RBFOX3: variants seen among roughly 807,000 people sequenced by gnomAD.
RBFOX3 encodes RNA binding protein fox-1 homolog 3.
RBFOX3 carries 17 observed loss-of-function variants against 48.7 expected under a neutral mutation model. That is an observed-to-expected ratio of 0.35 (90% CI 0.24 to 0.52). The LOEUF is 0.52. Among genes scored for constraint, RBFOX3 ranks in the 20% least tolerant of loss-of-function variants. The pLI, the probability that RBFOX3 is intolerant of heterozygous loss-of-function variation, is 0.94. For missense variants in RBFOX3, 382 were observed against 497.5 expected, an observed-to-expected ratio of 0.77 and a Z score of 2.21; for synonymous variants, 212 against 209.5, an observed-to-expected ratio of 1.01 and a Z score of -0.10.
At chr17:79,595,296 C>T (rs9330569) in intron 1 of RBFOX3, among the ~76,000 whole-genome samples, 20,901 of 152,168 alleles carry the variant, frequency 0.14, 1,961 homozygotes, top group Non-Finnish European at 0.21. Context: ...CCCAGGAACT[C>T]GATCCTCCCA....
At chr17:79,450,912 GA>G (rs1234776233) in intron 2 of RBFOX3, among the ~76,000 whole-genome samples, 1 of 152,188 alleles carries the variant, frequency 6.6e-6, no homozygotes, top group Non-Finnish European at 1.5e-5. Flanking sequence ...ACAAATTCAA[GA>G]AGTAAAACCT....
At chr17:79,136,278 C>T (rs1032742752) in intron 4 of RBFOX3, 1 of 152,480 alleles carries the variant, frequency 6.6e-6, no homozygotes, top group Non-Finnish European at 1.5e-5. Flanking sequence ...CCACCCCTTC[C>T]CTATGACCCC....
At position 79,554,444 on chromosome 17, in the gene RBFOX3, CTT is replaced by C. The variant is rs2091440869; in HGVS notation, c.-320+56380_-320+56381del. Among the ~76,000 whole-genome samples, 1,087 of 114,348 alleles carry C rather than the reference CTT, an allele frequency of 9.5e-3. 182 individuals carry two copies. The highest frequency in any genetic ancestry group is 0.043 in the East Asian group (127 of 2,926). The allele number at this position is 114,348 out of a possible 152,430, so 75.0% of individuals were successfully genotyped here. A position where few individuals can be genotyped will look rare whatever the true frequency, so the allele number is the denominator to read the frequency against. On this transcript the variant is annotated intron_variant, in intron 1 of 14. Transcript: ENST00000693108. ...TCACCCCTCACCTGGCCCTCTCCAT[CTT>C]CACTCACAGTCACCCCTCACCTGGC...
intron 4 of RBFOX3, among the ~76,000 whole-genome samples, chr17:79,148,101 T>C (rs548602568): frequency 1.3e-5 from 2 of 152,338 alleles, no homozygotes; most frequent in South Asian, 4.1e-4. Flanking sequence ...CGTGCGGCCC[T>C]AAAGACCCAG....
chr17:79,445,830 G>A (rs1415709733), intron 2 of RBFOX3, among the ~76,000 whole-genome samples: 1 of 152,212 alleles, frequency 6.6e-6, no homozygotes, highest in African/African-American at 2.4e-5. Context: ...ACTTGGCCTT[G>A]GGAAGGTTTT....
chr17:79,142,200 A>G (rs1054710579), intron 4 of RBFOX3, among the ~76,000 whole-genome samples: 1 of 151,696 alleles, frequency 6.6e-6, no homozygotes, highest in African/African-American at 2.4e-5. Context: ...ATTTCACAAA[A>G]CTCCCTGTGT....
intron 4 of RBFOX3, among the ~76,000 whole-genome samples, chr17:79,152,300 C>A (rs1165246703): frequency 6.6e-6 from 1 of 152,176 alleles, no homozygotes; most frequent in Non-Finnish European, 1.5e-5. Context: ...CCCAGCCCAT[C>A]CTCAGTGAAG....
chr17:79,432,618 C>A (rs192328265), intron 2 of RBFOX3, among the ~76,000 whole-genome samples: 7 of 152,350 alleles, frequency 4.6e-5, no homozygotes, highest in Admixed American at 4.6e-4. Context: ...ATTCTTCCGT[C>A]CTTCTCATGC....
intron 1 of RBFOX3, among the ~76,000 whole-genome samples, chr17:79,591,481 C>T (rs1217629246): frequency 6.6e-6 from 1 of 152,182 alleles, no homozygotes; most frequent in Non-Finnish European, 1.5e-5. Flanking sequence ...TATTGGGCAC[C>T]TACTGTGTTC....
At chr17:79,442,915 C>T (rs1453680892) in intron 2 of RBFOX3, among the ~76,000 whole-genome samples, 1 of 152,148 alleles carries the variant, frequency 6.6e-6, no homozygotes, top group African/African-American at 2.4e-5. Flanking sequence ...TCTGAAGCTC[C>T]CCACAGCCAC....
intron 2 of RBFOX3, among the ~76,000 whole-genome samples, chr17:79,417,481 G>T (rs961910748): frequency 6.6e-6 from 1 of 152,204 alleles, no homozygotes; most frequent in Non-Finnish European, 1.5e-5. Context: ...AGAGGAACAT[G>T]CCCAACCAGG....
chr17:79,135,541 G>A (rs908305932), intron 4 of RBFOX3, among the ~76,000 whole-genome samples: 4 of 152,172 alleles, frequency 2.6e-5, no homozygotes, highest in African/African-American at 9.7e-5. Context: ...GGGGGCATCT[G>A]AGCAAAGGCC....
At position 79,195,028 on chromosome 17, in the gene RBFOX3, C is replaced by T. The variant is rs551702836; in HGVS notation, c.-34+40738G>A. ...TCTAGAACATGGGCAGATGTCTTTC[C>T]GCTCAGCCCCACCGACATCAGCTCA... On this transcript the variant is annotated intron_variant, in intron 4 of 14. Coordinates refer to ENST00000693108, the MANE Select transcript of RBFOX3 (RefSeq NM_001350451.2). The surrounding 1 kb of genome is among the most constrained non-coding windows in gnomAD (Gnocchi z 5.3). Among the ~76,000 whole-genome samples the T allele has an allele frequency of 9.9e-5, 15 of 152,040 alleles. No homozygotes were observed. Among genetic ancestry groups the T allele is most frequent in the Non-Finnish European group, 1.9e-4 (13 of 68,018 alleles).
In RBFOX3 at chr17:79,243,912, A is replaced by AG. The variant is rs1466820623; in HGVS notation, c.-73-8108dup. 6.6e-6 allele frequency among the ~76,000 whole-genome samples: 1 copy of AG among 152,068 alleles called. No individual in the cohort carries two copies. The highest frequency in any genetic ancestry group is 1.5e-5 in the Non-Finnish European group (1 of 67,998). ...AGAAATGGCCTGCGGTCCCAGAGGTAGGGGGCAGGTGGGAGGCCCAGTGTG... is the reference window on the plus strand; with the variant it reads ...AGAAATGGCCTGCGGTCCCAGAGGTAGGGGGGCAGGTGGGAGGCCCAGTGTG... On this transcript the variant is annotated intron_variant, in intron 3 of 14. Coordinates refer to ENST00000693108, the MANE Select transcript of RBFOX3 (RefSeq NM_001350451.2). This position sits in a 1 kb window ranked among gnomAD's most constrained non-coding sequence, Gnocchi z 7.9.
At chr17:79,132,344 C>A (rs1055182797) in intron 4 of RBFOX3, among the ~76,000 whole-genome samples, 2 of 152,170 alleles carry the variant, frequency 1.3e-5, no homozygotes, top group East Asian at 3.9e-4. Context: ...AGCTGAGCGA[C>A]GCGGGCCAAT....
At chr17:79,102,965 C>T (rs551950609) in intron 8 of RBFOX3, among the ~76,000 whole-genome samples, 197 bp downstream of exon 8, 11 of 151,154 alleles carry the variant, frequency 7.3e-5, no homozygotes, top group Non-Finnish European at 1.3e-4. Flanking sequence ...CTCGGGTGAG[C>T]CTGAAGGGGT....
intron 2 of RBFOX3, among the ~76,000 whole-genome samples, chr17:79,319,005 C>T (rs1343936004): frequency 6.6e-6 from 1 of 151,510 alleles, no homozygotes; most frequent in East Asian, 1.9e-4. Flanking sequence ...CATATGTACC[C>T]AAAAACTTAA....
At chr17:79,116,507 CTT>C (rs2034010197) in intron 4 of RBFOX3, among the ~76,000 whole-genome samples, 1 of 152,244 alleles carries the variant, frequency 6.6e-6, no homozygotes, top group Non-Finnish European at 1.5e-5. Flanking sequence ...GAGAGCGAAA[CTT>C]CATCTTCAAA....
intron 4 of RBFOX3, among the ~76,000 whole-genome samples, chr17:79,152,593 C>T (rs1374311244): frequency 6.6e-6 from 1 of 152,178 alleles, no homozygotes; most frequent in Non-Finnish European, 1.5e-5. Context: ...GTAAGCTGCA[C>T]AGGCGAGCAG....
Sources: allele counts gnomAD v4.1 joint callset (sites outside exome capture counted in the v4.1 genomes callset), GRCh38; gene constraint gnomAD v4.1.1; non-coding constraint Gnocchi (gnomAD v3.1); transcripts MANE v1.5; gene names NCBI Gene and HGNC (gene_info 2026-07-23, HGNC 2026-07-21).